FGGY: variants seen among roughly 807,000 people sequenced by gnomAD.
The protein encoded by FGGY is FGGY carbohydrate kinase domain containing, also known as FGGY carbohydrate kinase domain-containing protein.
In FGGY, 72 loss-of-function variants were observed where a neutral mutation model predicts 71.3. The ratio of observed to expected loss-of-function variants is 1.01; its 90% CI spans 0.84 to 1.23. The LOEUF is 1.23. Among genes scored for constraint, FGGY ranks in the 50% most tolerant of loss-of-function variants. FGGY has a pLI of 0.00. For synonymous variants in FGGY, 251 were observed against 250.3 expected, an observed-to-expected ratio of 1.00 and a Z score of -0.02; for missense variants, 668 against 682.3, an observed-to-expected ratio of 0.98 and a Z score of 0.23.
At chr1:59,374,318 G>T (rs1444668123) in intron 4 of FGGY, among the ~76,000 whole-genome samples, 2 of 152,150 alleles carry the variant, frequency 1.3e-5, no homozygotes, top group Admixed American at 1.3e-4. Flanking sequence ...CACCATCACT[G>T]GCCATCAGAG....
At chr1:59,758,226 C>T (rs891024618) in intron 15 of FGGY, among the ~76,000 whole-genome samples, 2 of 152,210 alleles carry the variant, frequency 1.3e-5, no homozygotes, top group African/African-American at 4.8e-5. Context: ...GACCAATGTT[C>T]TTTTTCCCAG....
intron 6 of FGGY, among the ~76,000 whole-genome samples, chr1:59,479,295 T>C (rs2093383941): frequency 6.6e-6 from 1 of 150,754 alleles, no homozygotes; most frequent in Admixed American, 6.6e-5. Flanking sequence ...AGAGATGGGG[T>C]GGTCACTAGG....
At chr1:59,703,030 C>T (rs1350748582) in intron 14 of FGGY, among the ~76,000 whole-genome samples, 1 of 152,148 alleles carries the variant, frequency 6.6e-6, no homozygotes, top group East Asian at 1.9e-4. Context: ...TTTGGCTATT[C>T]CTGATGTTGC....
intron 7 of FGGY, among the ~76,000 whole-genome samples, chr1:59,548,624 A>G (rs1194238689): frequency 4.6e-5 from 7 of 152,238 alleles, no homozygotes; most frequent in Non-Finnish European, 1.0e-4. Context: ...AGTACTAGGC[A>G]TGTTTTAACC....
chr1:59,756,917 A>G (rs2098296551), intron 14 of FGGY, among the ~76,000 whole-genome samples: 1 of 127,844 alleles, frequency 7.8e-6, no homozygotes, highest in Non-Finnish European at 1.6e-5. Flanking sequence ...TTTTTTTTAC[A>G]TTTTTTCCTC....
chr1:59,465,571 C>T (rs2092567551), intron 6 of FGGY, among the ~76,000 whole-genome samples: 1 of 152,192 alleles, frequency 6.6e-6, no homozygotes, highest in Non-Finnish European at 1.5e-5. Context: ...CAAATTGTCC[C>T]TGTTTGCAGA....
chr1:59,606,418 A>C (rs2096623976), intron 8 of FGGY, among the ~76,000 whole-genome samples: 1 of 152,254 alleles, frequency 6.6e-6, no homozygotes. Context: ...TGCCATCAGC[A>C]AGACTTCAAG....
chr1:59,522,860 C>A (rs548470603), intron 7 of FGGY, among the ~76,000 whole-genome samples: 1 of 152,274 alleles, frequency 6.6e-6, no homozygotes, highest in Admixed American at 6.5e-5. Flanking sequence ...TTGCATCAAA[C>A]AATGGAAAAG....
At chr1:59,383,954 C>T (rs74678179) in intron 5 of FGGY, among the ~76,000 whole-genome samples, 7,011 of 152,094 alleles carry the variant, frequency 0.046, 240 homozygotes, top group Non-Finnish European at 0.053. Flanking sequence ...GTCACGGGTG[C>T]GTCCTTAACC....
chr1:59,700,608 C>T (rs1450877004), intron 14 of FGGY, among the ~76,000 whole-genome samples: 1 of 152,128 alleles, frequency 6.6e-6, no homozygotes. Flanking sequence ...TGCACGTCTC[C>T]TTTACTGTCT....
chr1:59,479,839 A>T (rs1010189733), intron 6 of FGGY, among the ~76,000 whole-genome samples: 1 of 152,062 alleles, frequency 6.6e-6, no homozygotes, highest in Non-Finnish European at 1.5e-5. Flanking sequence ...CTCCAGCAGC[A>T]CTCAGCATCT....
At chr1:59,522,100 A>C (rs1439881953) in intron 7 of FGGY, among the ~76,000 whole-genome samples, 1 of 152,238 alleles carries the variant, frequency 6.6e-6, no homozygotes, top group East Asian at 1.9e-4. Flanking sequence ...TTGACTATTC[A>C]CTATTGTGAG....
At chr1:59,317,957 G>T (rs2045751007) in intron 1 of FGGY, among the ~76,000 whole-genome samples, 2 of 152,174 alleles carry the variant, frequency 1.3e-5, no homozygotes, top group Non-Finnish European at 2.9e-5. Context: ...AACAGCCTGG[G>T]TTCTGAGTCA....
intron 6 of FGGY, among the ~76,000 whole-genome samples, chr1:59,504,286 T>A (rs771137989): frequency 2.6e-5 from 4 of 152,172 alleles, no homozygotes; most frequent in Non-Finnish European, 5.9e-5. Flanking sequence ...TAAACGTGTT[T>A]CCCTGAGTTA....
chr1:59,623,024 C>G (rs1483081829), intron 9 of FGGY, among the ~76,000 whole-genome samples: 1 of 152,090 alleles, frequency 6.6e-6, no homozygotes, highest in African/African-American at 2.4e-5. Context: ...AATAATGATG[C>G]TCTTGCTTTG....
intron 14 of FGGY, among the ~76,000 whole-genome samples, chr1:59,734,361 C>A (rs1441558669): frequency 3.3e-5 from 5 of 152,132 alleles, no homozygotes; most frequent in African/African-American, 1.2e-4. Context: ...CACCGCCACA[C>A]CCAGCTAATT....
At chr1:59,756,244 C>T (rs1057038940) in intron 14 of FGGY, among the ~76,000 whole-genome samples, 8 of 152,284 alleles carry the variant, frequency 5.3e-5, no homozygotes, top group African/African-American at 1.9e-4. Context: ...CTACTTAAGG[C>T]TGCCATTTCT....
intron 4 of FGGY, among the ~76,000 whole-genome samples, chr1:59,360,421 A>G (rs2055267181): frequency 6.6e-6 from 1 of 152,164 alleles, no homozygotes; most frequent in South Asian, 2.1e-4. Flanking sequence ...ACAAGTATTT[A>G]TCGAGCACCT....
intron 7 of FGGY, among the ~76,000 whole-genome samples, chr1:59,522,874 T>C (rs1320411637): frequency 6.6e-6 from 1 of 152,192 alleles, no homozygotes; most frequent in Non-Finnish European, 1.5e-5. Flanking sequence ...GGAAAAGTAG[T>C]ACCTAGTAAA....
Sources: allele counts gnomAD v4.1 joint callset (sites outside exome capture counted in the v4.1 genomes callset), GRCh38; gene constraint gnomAD v4.1.1; transcripts MANE v1.5; gene names NCBI Gene and HGNC (gene_info 2026-07-23, HGNC 2026-07-21).